Variants in KDM4C observed in about 807,000 individuals in gnomAD.
KDM4C encodes the protein lysine demethylase 4C, also known as lysine-specific demethylase 4C.
In KDM4C, 81 loss-of-function variants were observed where a neutral mutation model predicts 129.3. The observed-to-expected ratio is 0.63, with a 90% CI of 0.52 to 0.75. KDM4C has a LOEUF of 0.75. Among genes scored for constraint, KDM4C ranks in the 30% least tolerant of loss-of-function variants. KDM4C has a pLI of 0.00. For synonymous variants in KDM4C, 573 were observed against 456.1 expected (o/e 1.26, Z -3.26); for missense variants, 1,457 against 1,304.0 (o/e 1.12, Z -1.81).
chr9:6,893,127 T>G lies in KDM4C; in HGVS notation c.816T>G (p.Thr272=). The G allele has an allele frequency of 6.3e-7, 1 of 1,595,832 alleles. No individual in the cohort carries two copies. The highest frequency in any genetic ancestry group is 1.4e-5 in the African/African-American group (1 of 74,024). The change falls in exon 8 of 22, where the codon ACT becomes ACG. Residue 272 remains threonine (T), a synonymous_variant. Coordinates refer to ENST00000381309, the MANE Select transcript of KDM4C (RefSeq NM_015061.6). Reference sequence around the variant, plus strand: ...AGGAGGCTGGAGAATTCATGATCACTTTCCCATATGGCTACCATGCTGGTT... The same window carrying G: ...AGGAGGCTGGAGAATTCATGATCACGTTCCCATATGGCTACCATGCTGGTT... The part of the protein sequence containing the change: ...ITQEAGEFMI[T]FPYGYHAGFN...
chr9:6,857,993 A>C (rs1237273077), intron 5 of KDM4C, among the ~76,000 whole-genome samples: 1 of 137,468 alleles, frequency 7.3e-6, no homozygotes, highest in Non-Finnish European at 1.5e-5. Flanking sequence ...GGAACTCCTG[A>C]GCTAAGGCAG....
Position 6,749,630 on chromosome 9 carries a change from T to G in KDM4C, c.49+28633T>G, listed in dbSNP as rs142707105. Among the ~76,000 whole-genome samples the G allele has an allele frequency of 2.7e-3, 414 of 152,020 alleles. 4 individuals are homozygous for G. The highest frequency in any genetic ancestry group is 8.5e-3 in the African/African-American group (352 of 41,470). ...CTGCAATGAGCTATGATTGCACCACTGCATTTCAGCCTGGACAACAGAGTG... is the reference window on the plus strand; with the variant it reads ...CTGCAATGAGCTATGATTGCACCACGGCATTTCAGCCTGGACAACAGAGTG... On this transcript the variant is annotated intron_variant, in intron 1 of 17. Transcript: ENST00000536108.
chr9:6,962,682 A>T (rs1220625962), intron 8 of KDM4C, among the ~76,000 whole-genome samples: 4 of 152,200 alleles, frequency 2.6e-5, no homozygotes, highest in Admixed American at 6.5e-5. Flanking sequence ...AGCTGTAATG[A>T]CTGTCACAAC....
intron 17 of KDM4C, among the ~76,000 whole-genome samples, chr9:7,098,104 T>C (rs1258312128): frequency 2.6e-5 from 4 of 152,250 alleles, no homozygotes; most frequent in East Asian, 1.9e-4. Flanking sequence ...ATTTGTCTGT[T>C]TGTGTCTGAA....
At chr9:6,880,955 T>C (rs1453009369) in intron 6 of KDM4C, among the ~76,000 whole-genome samples, 1 of 152,076 alleles carries the variant, frequency 6.6e-6, no homozygotes, top group African/African-American at 2.4e-5. Flanking sequence ...AAAAGTGGAG[T>C]TCCATTTGAG....
chr9:7,167,388 T>G (rs147529153), intron 20 of KDM4C, among the ~76,000 whole-genome samples: 1 of 152,340 alleles, frequency 6.6e-6, no homozygotes, highest in East Asian at 1.9e-4. Context: ...CTTCTAGGTT[T>G]GTAATTGCCT....
At chr9:7,138,395 ATAATGTT>A (rs1221395173) in intron 19 of KDM4C, among the ~76,000 whole-genome samples, 4 of 152,246 alleles carry the variant, frequency 2.6e-5, no homozygotes, top group Admixed American at 2.6e-4. Context: ...TTATATTTGT[ATAATGTT>A]TAATTTCTTC....
At chr9:6,760,597 G>A (rs1159106540) in intron 1 of KDM4C, among the ~76,000 whole-genome samples, 2 of 151,092 alleles carry the variant, frequency 1.3e-5, no homozygotes, top group Non-Finnish European at 2.9e-5. Context: ...TTGAGACGAA[G>A]TCTCACTCTG....
intron 17 of KDM4C, among the ~76,000 whole-genome samples, chr9:7,091,153 T>A (rs2133044695): frequency 6.7e-6 from 1 of 150,254 alleles, no homozygotes. Flanking sequence ...ACCAGGTGAC[T>A]CTTTCTTTCG....
At chr9:7,035,572 C>G (rs986970455) in intron 15 of KDM4C, among the ~76,000 whole-genome samples, 5 of 151,928 alleles carry the variant, frequency 3.3e-5, no homozygotes, top group African/African-American at 1.2e-4. Flanking sequence ...GACCAATGTC[C>G]TGAAGTGTTT....
At chr9:6,844,506 T>A (rs1837510836) in intron 4 of KDM4C, among the ~76,000 whole-genome samples, 1 of 152,214 alleles carries the variant, frequency 6.6e-6, no homozygotes, top group Non-Finnish European at 1.5e-5. Context: ...CTGTTTTACA[T>A]GATGTAAATG....
intron 7 of KDM4C, among the ~76,000 whole-genome samples, chr9:6,889,742 C>G (rs1845854651): frequency 1.3e-5 from 2 of 152,236 alleles, no homozygotes; most frequent in African/African-American, 4.8e-5. Flanking sequence ...AAATCCTTCT[C>G]TGTTCCTTTG....
At chr9:6,755,187 C>T (rs139067527), upstream of KDM4C, among the ~76,000 whole-genome samples, 347 of 152,236 alleles carry the variant, frequency 2.3e-3, 1 homozygote, top group African/African-American at 7.9e-3. Flanking sequence ...CTGGCTAACA[C>T]GGTGAAACCC....
chr9:6,995,184 G>A (rs1335401995), intron 12 of KDM4C, among the ~76,000 whole-genome samples: 1 of 151,536 alleles, frequency 6.6e-6, no homozygotes, highest in Non-Finnish European at 1.5e-5. Context: ...TGTTGTGTGA[G>A]GAAGAAAAGA....
rs757326745 is a variant in KDM4C at position 7,049,141 on chromosome 9, A to C, written c.2365A>C (p.Asn789His). The change falls in exon 17 of 22, where the codon AAT becomes CAT. Residue 789 changes from asparagine (N) to histidine (H), a missense_variant. Transcript: ENST00000381309. ...AVAVPEVRFT[N>H]VPERTQIDVG... ...TGCGGTCCCAGAAGTTCGATTCACT[A>C]ATGTCCCAGAAAGGACACAAATAGA... is the stretch of plus-strand genomic sequence containing the variant. 1 of 1,612,602 alleles carries C rather than the reference A, an allele frequency of 6.2e-7. No individual in the cohort carries two copies. Among genetic ancestry groups the C allele is most frequent in the South Asian group, 1.1e-5 (1 of 91,048 alleles).
chr9:7,118,863 G>C (rs1332832699), intron 18 of KDM4C, among the ~76,000 whole-genome samples: 1 of 152,076 alleles, frequency 6.6e-6, no homozygotes, highest in Non-Finnish European at 1.5e-5. Context: ...GCTAGATGAT[G>C]GGTGACCCTC....
chr9:6,944,968 T>A (rs968817812), intron 8 of KDM4C, among the ~76,000 whole-genome samples: 6 of 152,158 alleles, frequency 3.9e-5, no homozygotes, highest in Non-Finnish European at 5.9e-5. Flanking sequence ...GTTTGTATAG[T>A]GTTCTTATTT....
Position 6,880,073 on chromosome 9 carries a change from T to A in KDM4C, c.679+12T>A, listed in dbSNP as rs532915023. 6.3e-7 allele frequency: 1 copy of A among 1,579,246 alleles called. No individual in the cohort carries two copies. The highest frequency in any genetic ancestry group is 2.3e-5 in the East Asian group (1 of 44,394). Reference sequence around the variant, plus strand: ...AAGACTAGCTCAAGGTAAAACTTGCTTTTTAAATTTGTTTTCTGTGTTTTA... The same window carrying A: ...AAGACTAGCTCAAGGTAAAACTTGCATTTTAAATTTGTTTTCTGTGTTTTA... On this transcript the variant is annotated intron_variant, in intron 6 of 21. Transcript: ENST00000381309.
chr9:6,974,074 C>T (rs1013080656), intron 8 of KDM4C, among the ~76,000 whole-genome samples: 2 of 152,182 alleles, frequency 1.3e-5, no homozygotes, highest in East Asian at 1.9e-4. Context: ...ACTTAAACCC[C>T]CTTTTCCCCC....
Sources: gnomAD v4.1 joint callset for allele counts (sites outside exome capture counted in the v4.1 genomes callset) on GRCh38, gnomAD v4.1.1 for gene constraint, MANE v1.5 for transcripts, NCBI Gene and HGNC (gene_info 2026-07-23, HGNC 2026-07-21) for gene names.